NOD1: variants seen among roughly 807,000 people sequenced by gnomAD.
NOD1 encodes the protein nucleotide-binding oligomerization domain-containing protein 1.
A neutral mutation model predicts 81.2 loss-of-function variants in NOD1; 70 were observed. The observed-to-expected ratio is 0.86, with a 90% CI of 0.71 to 1.05. The LOEUF (loss-of-function observed/expected upper bound fraction) is 1.05, where lower values mean the gene tolerates loss of function less well. Among genes scored for constraint, NOD1 ranks in the 50% least tolerant of loss-of-function variants. NOD1 has a pLI of 0.00. For missense variants in NOD1, 1,233 were observed against 1,228.0 expected (o/e 1.00, Z -0.06); for synonymous variants, 508 against 526.9 (o/e 0.96, Z 0.49).
intron 13 of NOD1, among the ~76,000 whole-genome samples, chr7:30,426,711 TCCTCAGCCTCCTGTAGTCC>T (rs1447178566): frequency 3.9e-5 from 6 of 152,106 alleles, no homozygotes; most frequent in African/African-American, 1.4e-4. Context: ...CCTGCCTATC[TCCTCAGCCTCCTGTAGTCC>T]CCTCTTCCAC....
chr7:30,427,321 A>AAGTT (rs1238142228), intron 13 of NOD1, among the ~76,000 whole-genome samples: 1 of 152,176 alleles, frequency 6.6e-6, no homozygotes, highest in East Asian at 1.9e-4. Context: ...TCAGACTTCC[A>AAGTT]AGTTATTTTC....
chr7:30,430,459 A>G (rs1248190229), intron 12 of NOD1, among the ~76,000 whole-genome samples: 1 of 152,178 alleles, frequency 6.6e-6, no homozygotes, highest in African/African-American at 2.4e-5. Flanking sequence ...TTTGTAGAAT[A>G]GGCTCCTGCT....
chr7:30,463,148 T>C (rs1274055429), intron 1 of NOD1, among the ~76,000 whole-genome samples: 4 of 152,130 alleles, frequency 2.6e-5, no homozygotes, highest in Non-Finnish European at 4.4e-5. Flanking sequence ...TACAGTCACA[T>C]ATGTGTGTGT....
intron 1 of NOD1, among the ~76,000 whole-genome samples, chr7:30,474,842 T>C (rs1007160773): frequency 1.3e-5 from 2 of 152,246 alleles, no homozygotes; most frequent in African/African-American, 2.4e-5. Flanking sequence ...GTATACTTTA[T>C]AGACCCAACA....
At chr7:30,453,566 A>G (rs1786025854) in intron 5 of NOD1, among the ~76,000 whole-genome samples, 1 of 152,140 alleles carries the variant, frequency 6.6e-6, no homozygotes, top group South Asian at 2.1e-4. Context: ...ACACAGGCAT[A>G]TGCCACCAAG....
At chr7:30,470,101 C>T (rs527790655) in intron 1 of NOD1, among the ~76,000 whole-genome samples, 197 of 152,354 alleles carry the variant, frequency 1.3e-3, no homozygotes, top group Admixed American at 3.3e-3. Context: ...GACACAGACT[C>T]TAAAGCCAGG....
In NOD1 at chr7:30,452,456, T is replaced by G; in HGVS notation, c.961A>C (p.Lys321Gln). The change falls in exon 6 of 14, where the codon AAG becomes CAG. Residue 321 changes from lysine to glutamine, a missense_variant. Coordinates refer to ENST00000222823, the MANE Select transcript of NOD1 (RefSeq NM_006092.4). Reference sequence around the variant, plus strand: ...AGCTTGCTAGCCCCCTTGAGCAGCTTCCCACTGAGCAGGTTGGCCAGCAAG... The same window carrying G: ...AGCTTGCTAGCCCCCTTGAGCAGCTGCCCACTGAGCAGGTTGGCCAGCAAG... ...LVLLANLLSG[K>Q]LLKGASKLLT... 1 of 1,613,330 alleles carries G rather than the reference T, an allele frequency of 6.2e-7. No individual in the cohort carries two copies. Among genetic ancestry groups the G allele is most frequent in the Non-Finnish European group, 8.5e-7 (1 of 1,179,952 alleles).
Position 30,452,689 on chromosome 7 carries a change from T to A in NOD1, c.728A>T (p.Lys243Met). 1 of 1,613,908 alleles carries A rather than the reference T, an allele frequency of 6.2e-7. No homozygotes were observed. Among genetic ancestry groups the A allele is most frequent in the Non-Finnish European group, 8.5e-7 (1 of 1,180,048 alleles). Reference sequence around the variant, plus strand: ...CTGCAGACACAGCCTGTCACTTTCCTTGAAGCAGCTGAACATGCGGCAGCG... The same window carrying A: ...CTGCAGACACAGCCTGTCACTTTCCATGAAGCAGCTGAACATGCGGCAGCG... ...HFRCRMFSCF[K>M]ESDRLCLQDL... The change falls in exon 6 of 14, where the codon AAG becomes ATG. Residue 243 changes from lysine to methionine, a missense_variant. Physicochemically the swap from Lys to Met is moderately conservative, Grantham distance 95. Coordinates refer to ENST00000222823, the MANE Select transcript of NOD1 (RefSeq NM_006092.4).
At chr7:30,468,951 G>C in intron 1 of NOD1, 1 of 985,466 alleles carries the variant, frequency 1.0e-6, no homozygotes, top group Non-Finnish European at 1.2e-6. Context: ...TTACCCAACA[G>C]CAAGCTGGGT....
intron 1 of NOD1, among the ~76,000 whole-genome samples, chr7:30,465,187 G>T (rs553429254): frequency 6.6e-6 from 1 of 152,332 alleles, no homozygotes; most frequent in African/African-American, 2.4e-5. Flanking sequence ...GCAGCCCTCT[G>T]TAATGGCAGG....
chr7:30,441,271 A>G (rs1784859513), intron 9 of NOD1, among the ~76,000 whole-genome samples: 1 of 13,792 alleles, frequency 7.3e-5, no homozygotes, highest in African/African-American at 2.9e-4. Flanking sequence ...AACTTTAAAT[A>G]TAAATGGACT....
At chr7:30,428,512 T>C (rs1783658766) in intron 13 of NOD1, 2 of 152,236 alleles carry the variant, frequency 1.3e-5, no homozygotes, top group South Asian at 2.1e-4. Flanking sequence ...ACCATGCACA[T>C]TGCATCCTGA....
chr7:30,473,628 CAGG>C (rs1788491983), intron 1 of NOD1, among the ~76,000 whole-genome samples: 2 of 152,264 alleles, frequency 1.3e-5, no homozygotes, highest in South Asian at 2.1e-4. Flanking sequence ...GAGGAGGCGA[CAGG>C]AGGAGTGAGC....
intron 1 of NOD1, among the ~76,000 whole-genome samples, chr7:30,465,202 A>G (rs1013264655): frequency 6.6e-6 from 1 of 152,208 alleles, no homozygotes; most frequent in African/African-American, 2.4e-5. Context: ...GGCAGGTGAC[A>G]GGGAGACCCA....
In NOD1 at chr7:30,451,703, C is replaced by A. The variant is rs755565671; in HGVS notation, c.1714G>T (p.Gly572Cys). ...TTGAAGAGGTCTTCCCGCGCCGGAC[C>A]ACTGCCCTGCAGGCACTGGAACGGG... ...FLPFQCLQGS[G>C]PAREDLFKNK... The change falls in exon 6 of 14, where the codon GGT (glycine) becomes TGT (cysteine). Residue 572 changes from glycine (G) to cysteine (C), a missense_variant. Gly to Cys is a radical substitution (Grantham distance 159). Coordinates refer to ENST00000222823, the MANE Select transcript of NOD1 (RefSeq NM_006092.4). The surrounding 1 kb of genome is among the most constrained non-coding windows in gnomAD (Gnocchi z 4.2). 1 of 1,613,876 alleles carries A rather than the reference C, an allele frequency of 6.2e-7. No homozygotes were observed. Among genetic ancestry groups the A allele is most frequent in the South Asian group, 1.1e-5 (1 of 91,088 alleles).
chr7:30,446,296 G>T, intron 8 of NOD1, 72 bp from the exon 9 acceptor site: 2 of 1,092,930 alleles, frequency 1.8e-6, no homozygotes, highest in Non-Finnish European at 2.8e-6. Context: ...CTCCTCCCCA[G>T]CACAGAGCCC....
rs141400284 is a variant in NOD1 at position 30,467,994 on chromosome 7, A to T, written c.-351-7953T>A. Among the ~76,000 whole-genome samples the T allele has an allele frequency of 0.011, 1,624 of 152,200 alleles. 28 individuals carry two copies. The highest frequency in any genetic ancestry group is 0.035 in the African/African-American group (1,471 of 41,524). ...TAGGATTACAGGAGTGAGCCACCGC[A>T]CCCGGCCTATATTTTGTTTTAAATT... On this transcript the variant is annotated intron_variant, in intron 1 of 13. Coordinates refer to ENST00000222823, the MANE Select transcript of NOD1 (RefSeq NM_006092.4). This position sits in a 1 kb window ranked among gnomAD's most constrained non-coding sequence, Gnocchi z 4.5.
At chr7:30,466,834 CAGTAATCTATAT>C (rs1208614352) in intron 1 of NOD1, among the ~76,000 whole-genome samples, 1 of 152,132 alleles carries the variant, frequency 6.6e-6, no homozygotes, top group Admixed American at 6.5e-5. Context: ...TCAGACTCAG[CAGTAATCTATAT>C]AGGGAGATAC....
chr7:30,466,481 T>G (rs940355543), intron 1 of NOD1, among the ~76,000 whole-genome samples: 14 of 151,938 alleles, frequency 9.2e-5, no homozygotes, highest in Non-Finnish European at 1.9e-4. Flanking sequence ...GGACATAAGA[T>G]ATGAGGAAGA....
Sources: gnomAD v4.1 joint callset for allele counts (sites outside exome capture counted in the v4.1 genomes callset) on GRCh38, gnomAD v4.1.1 for gene constraint, Gnocchi (gnomAD v3.1) non-coding constraint, MANE v1.5 for transcripts, NCBI Gene and HGNC (gene_info 2026-07-23, HGNC 2026-07-21) for gene names.